SHPRH: variants seen among roughly 807,000 people sequenced by gnomAD.
The protein encoded by SHPRH is E3 ubiquitin-protein ligase SHPRH.
A neutral mutation model predicts 202.5 loss-of-function variants in SHPRH; 106 were observed. The ratio of observed to expected loss-of-function variants is 0.52; its 90% CI spans 0.45 to 0.62. The LOEUF (loss-of-function observed/expected upper bound fraction) is 0.62, where lower values mean the gene tolerates loss of function less well. Ranked by LOEUF, SHPRH falls within the 20% of genes least tolerant of loss-of-function variation. The probability of loss-of-function intolerance (pLI) is 0.00; values close to 1 mark genes in which losing one functional copy is unlikely to be tolerated. For missense variants in SHPRH, 1,710 were observed against 2,020.0 expected, an observed-to-expected ratio of 0.85 and a Z score of 2.94; for synonymous variants, 729 against 686.0, an observed-to-expected ratio of 1.06 and a Z score of -0.98.
At chr6:145,916,638 C>T (rs1253563766) in intron 23 of SHPRH, among the ~76,000 whole-genome samples, 1 of 151,924 alleles carries the variant, frequency 6.6e-6, no homozygotes, top group African/African-American at 2.4e-5. Context: ...ATATTTATAT[C>T]CTTAAAATTT....
chr6:145,860,364 C>T (rs1779539361), downstream of SHPRH, among the ~76,000 whole-genome samples: 1 of 151,812 alleles, frequency 6.6e-6, no homozygotes, highest in African/African-American at 2.4e-5. Context: ...CACTAAACAA[C>T]CTATCCATAA....
chr6:145,922,524 T>C, intron 19 of SHPRH, 139 bp downstream of exon 19: 2 of 1,248,314 alleles, frequency 1.6e-6, no homozygotes, highest in Non-Finnish European at 2.2e-6. Flanking sequence ...TTCTTTAAAT[T>C]AGATTAATAC....
downstream of SHPRH, among the ~76,000 whole-genome samples, chr6:145,879,867 G>A (rs942146993): frequency 9.8e-5 from 13 of 133,240 alleles, no homozygotes; most frequent in African/African-American, 1.4e-4. Flanking sequence ...AGCCAAGATC[G>A]CACCATTGCA....
At chr6:145,958,161 T>G (rs1206083223) in intron 1 of SHPRH, among the ~76,000 whole-genome samples, 1 of 152,032 alleles carries the variant, frequency 6.6e-6, no homozygotes, top group Non-Finnish European at 1.5e-5. Context: ...GGCAAGGAAG[T>G]ATAAAGAGGT....
chr6:145,961,887 G>T (rs963548862), intron 1 of SHPRH, among the ~76,000 whole-genome samples: 1 of 152,164 alleles, frequency 6.6e-6, no homozygotes, highest in African/African-American at 2.4e-5. Flanking sequence ...TTGAACCAAA[G>T]AAAATAGTAT....
chr6:145,926,128 T>C, intron 16 of SHPRH, 76 bp downstream of exon 16: 1 of 1,251,804 alleles, frequency 8.0e-7, no homozygotes, highest in South Asian at 1.2e-5. Flanking sequence ...TTGTATGTCC[T>C]AGGATATATC....
intron 25 of SHPRH, among the ~76,000 whole-genome samples, chr6:145,895,887 T>G (rs1276733904): frequency 6.6e-6 from 1 of 152,044 alleles, no homozygotes; most frequent in Admixed American, 6.6e-5. Flanking sequence ...TACGAAGCAT[T>G]TAGCCTAACA....
Position 145,921,259 on chromosome 6 carries a change from A to G in SHPRH, c.3916T>C (p.Ser1306Pro), listed in dbSNP as rs781044781. The G allele has an allele frequency of 6.2e-7, 1 of 1,612,912 alleles. No individual in the cohort carries two copies. The highest frequency in any genetic ancestry group is 8.5e-7 in the Non-Finnish European group (1 of 1,179,332). ...TCAAACCTATGTGATTTTGCAAATG[A>G]TAGTATTGCTTTCATAGATCGCTCT... ...ETERSMKAILSFAKSHRFDVE... is the reference protein window; with the variant it reads ...ETERSMKAILPFAKSHRFDVE... Residue 1306 changes from serine to proline, a missense_variant, in exon 21 of 30, where the codon TCA (serine) becomes CCA (proline). This residue lies in a region of SHPRH where 306 missense variants were observed against 479.5 expected (regional missense o/e 0.64). Transcript: ENST00000275233.
chr6:145,936,063 T>A (rs1385828425), intron 11 of SHPRH, among the ~76,000 whole-genome samples: 2 of 152,214 alleles, frequency 1.3e-5, no homozygotes, highest in Admixed American at 1.3e-4. Context: ...GCATGCCTTG[T>A]ATTTGTTAGC....
At chr6:145,962,209 CCT>C (rs1789159365) in intron 1 of SHPRH, among the ~76,000 whole-genome samples, 1 of 152,160 alleles carries the variant, frequency 6.6e-6, no homozygotes, top group Non-Finnish European at 1.5e-5. Context: ...GAGTTAAGGG[CCT>C]CTCTCTCCTC....
chr6:145,913,585 G>T, intron 23 of SHPRH, 36 bp from the exon 24 acceptor site: 2 of 1,541,752 alleles, frequency 1.3e-6, no homozygotes, highest in Non-Finnish European at 1.8e-6. Flanking sequence ...TATTAGTTAC[G>T]TTTTTACATA....
intron 2 of SHPRH, among the ~76,000 whole-genome samples, chr6:145,865,758 G>T (rs1003255977): frequency 1.6e-4 from 24 of 152,218 alleles, no homozygotes; most frequent in Admixed American, 1.3e-4. Flanking sequence ...TTGGCTTACT[G>T]GCTGCCTCAG....
intron 2 of SHPRH, chr6:145,871,296 T>C (rs962018215): frequency 2.6e-5 from 4 of 152,198 alleles, no homozygotes; most frequent in African/African-American, 9.6e-5. Context: ...TAATCCTATA[T>C]CTAGAAAACC....
At chr6:145,890,228 T>G (rs2128712058) in intron 28 of SHPRH, among the ~76,000 whole-genome samples, 1 of 152,312 alleles carries the variant, frequency 6.6e-6, no homozygotes, top group Admixed American at 6.5e-5. Flanking sequence ...GTGCCTGAAA[T>G]CTGCCACTGC....
intron 4 of SHPRH, among the ~76,000 whole-genome samples, chr6:145,948,817 GCTTA>G (rs1335308515): frequency 1.3e-5 from 2 of 151,932 alleles, no homozygotes; most frequent in South Asian, 2.1e-4. Flanking sequence ...GGGAAGAAAG[GCTTA>G]CTTAACTGGG....
chr6:145,900,317 T>C (rs1782384101), intron 25 of SHPRH, among the ~76,000 whole-genome samples: 1 of 152,158 alleles, frequency 6.6e-6, no homozygotes, highest in Non-Finnish European at 1.5e-5. Context: ...AATATGTTTT[T>C]ACCTGACAGT....
chr6:145,952,389 C>A lies in SHPRH; in HGVS notation c.723G>T (p.Met241Ile). 6.2e-7 allele frequency: 1 copy of A among 1,609,978 alleles called. No individual in the cohort carries two copies. The highest frequency in any genetic ancestry group is 8.5e-7 in the Non-Finnish European group (1 of 1,177,844). The change falls in exon 3 of 30, where the codon ATG (methionine) becomes ATT (isoleucine). Residue 241 changes from methionine (M) to isoleucine (I), a missense_variant. By Grantham distance (10) the Met-to-Ile change is conservative (BLOSUM62 1). This residue lies in a region of SHPRH where 459 missense variants were observed against 426.5 expected (regional missense o/e 1.08). Coordinates refer to ENST00000275233, the MANE Select transcript of SHPRH (RefSeq NM_001042683.3). ...NSRMKKFNQL[M>I]KKVMEKLHNS... Reference sequence around the variant, plus strand: ...TGTGTAACTTTTCCATTACTTTCTTCATGAGCTGATTGAACTTTTTCATTC... The same window carrying A: ...TGTGTAACTTTTCCATTACTTTCTTAATGAGCTGATTGAACTTTTTCATTC...
chr6:145,950,350 G>A lies in SHPRH; in HGVS notation c.896C>T (p.Ala299Val). 6.2e-7 allele frequency: 1 copy of A among 1,613,232 alleles called. No individual in the cohort carries two copies. The highest frequency in any genetic ancestry group is 8.5e-7 in the Non-Finnish European group (1 of 1,179,426). The change falls in exon 4 of 30, where the codon GCA becomes GTA. Residue 299 changes from alanine to valine, a missense_variant. By Grantham distance (64) the Ala-to-Val change is moderately conservative (BLOSUM62 0). Around this residue, in one of 8 missense-constraint regions of SHPRH, gnomAD observed 459 missense variants for 426.5 expected, o/e 1.08. Transcript: ENST00000275233. ...GTAGGGTCTCAACACAGGGATCAAT[G>A]CAGGATGCTGGACATCCACTTGGAT... ...QSIQVDVQHP[A>V]LIPVLRPYQR...
chr6:145,872,780 T>C (rs984949283), intron 2 of SHPRH, among the ~76,000 whole-genome samples: 1 of 152,180 alleles, frequency 6.6e-6, no homozygotes, highest in African/African-American at 2.4e-5. Flanking sequence ...AGACATAGAA[T>C]CAACCTAAAT....
Sources: gnomAD v4.1 joint callset for allele counts (sites outside exome capture counted in the v4.1 genomes callset) on GRCh38, gnomAD v4.1.1 for gene constraint, gnomAD v4.1.1 regional missense constraint, MANE v1.5 for transcripts, NCBI Gene and HGNC (gene_info 2026-07-23, HGNC 2026-07-21) for gene names.